The following CXCL14 variants were observed in gnomAD, a reference collection of about 807,000 sequenced individuals.
The protein encoded by CXCL14 is C-X-C motif chemokine ligand 14.
Under a neutral mutation model 16.1 loss-of-function variants are expected in CXCL14, and 9 were observed. That is an observed-to-expected ratio of 0.56 (90% CI 0.34 to 0.97). CXCL14 has a LOEUF of 0.97. Ranked by LOEUF, CXCL14 falls within the 50% of genes least tolerant of loss-of-function variation. CXCL14 has a pLI of 0.02. For synonymous variants in CXCL14, 55 were observed against 52.8 expected (o/e 1.04, Z -0.18); for missense variants, 111 against 132.5 (o/e 0.84, Z 0.80).
intron 2 of CXCL14, among the ~76,000 whole-genome samples, chr5:135,575,349 A>G (rs1451275662): frequency 2.6e-5 from 4 of 152,096 alleles, no homozygotes; most frequent in Non-Finnish European, 2.9e-5. Flanking sequence ...CTATCAGCCA[A>G]TGTCCCAACA....
At position 135,570,888 on chromosome 5, in the gene CXCL14, A is replaced by C. The variant is rs1751016091; in HGVS notation, c.*965T>G. 6.6e-6 allele frequency: 1 copy of C among 152,186 alleles called. No homozygotes were observed. Among genetic ancestry groups the C allele is most frequent in the Non-Finnish European group, 1.5e-5 (1 of 68,044 alleles). The allele number at this position is 152,186 out of a possible 1,614,324, so 9.4% of individuals were successfully genotyped here. ...TGGTCATCTTAGCTTTCGAAAGAGG[A>C]CTGCACTGTTTAACATTGAAGAATT... is the stretch of plus-strand genomic sequence containing the variant. On this transcript the variant is annotated 3_prime_UTR_variant, in exon 4 of 4. Transcript: ENST00000512158.
chr5:135,576,207 G>A (rs1046162614), intron 2 of CXCL14, among the ~76,000 whole-genome samples: 4 of 152,170 alleles, frequency 2.6e-5, no homozygotes, highest in Admixed American at 1.3e-4. Flanking sequence ...CTGTGACTCC[G>A]GGTCATTCCT....
intron 2 of CXCL14, among the ~76,000 whole-genome samples, chr5:135,576,272 C>G (rs1213595795): frequency 1.3e-5 from 2 of 152,204 alleles, no homozygotes; most frequent in Non-Finnish European, 2.9e-5. Context: ...CTCTCTCCCC[C>G]ACTGTGCCCA....
rs1392855107 is a variant in CXCL14, at chr5:135,571,885, CAT to C, written c.285-19_285-18del. On this transcript the variant is annotated intron_variant, in intron 3 of 3. Coordinates refer to ENST00000512158, the MANE Select transcript of CXCL14 (RefSeq NM_004887.5). ...TCGTAGACCCTGGGGAGAAAAAACACATGTGTAAGTGGCTCAGGACATGAGGC... is the reference window on the plus strand; with the variant it reads ...TCGTAGACCCTGGGGAGAAAAAACACGTGTAAGTGGCTCAGGACATGAGGC... 1 of 1,605,396 alleles carries C rather than the reference CAT, an allele frequency of 6.2e-7. No individual in the cohort carries two copies. Among genetic ancestry groups the C allele is most frequent in the African/African-American group, 1.4e-5 (1 of 74,050 alleles).
intron 2 of CXCL14, among the ~76,000 whole-genome samples, chr5:135,577,251 GC>G (rs543097167): frequency 2.8e-4 from 43 of 152,188 alleles, no homozygotes; most frequent in African/African-American, 8.9e-4. Flanking sequence ...GTCATTCTTA[GC>G]CCCCAAACTG....
intron 2 of CXCL14, among the ~76,000 whole-genome samples, chr5:135,577,903 G>A (rs930806484): frequency 1.3e-5 from 2 of 152,232 alleles, no homozygotes; most frequent in African/African-American, 4.8e-5. Context: ...CAGTCGGTGA[G>A]GGAAGCTCGT....
chr5:135,574,471 A>G (rs2126864960), intron 3 of CXCL14, 101 bp downstream of exon 3: 1 of 839,304 alleles, frequency 1.2e-6, no homozygotes, highest in Admixed American at 2.1e-5. Flanking sequence ...GGGTGTTCAC[A>G]TATTAGATGG....
At position 135,571,742 on chromosome 5, in the gene CXCL14, C is replaced by CTTTTT. The variant is rs566365690; in HGVS notation, c.*106_*110dup. ...GTCTTATGCCTGTGAGAAAGAAAGG[C>CTTTTT]TTTTTTTTTTTTTTTTTTTTTTTTT... On this transcript the variant is annotated 3_prime_UTR_variant, in exon 4 of 4. Coordinates refer to ENST00000512158, the MANE Select transcript of CXCL14 (RefSeq NM_004887.5). 60 of 460,526 alleles carry CTTTTT rather than the reference C, an allele frequency of 1.3e-4. 3 individuals carry two copies. The highest frequency in any genetic ancestry group is 4.5e-4 in the Middle Eastern group (1 of 2,228). The allele number at this position is 460,526 out of a possible 1,614,324, so 28.5% of individuals were successfully genotyped here. A position where few individuals can be genotyped will look rare whatever the true frequency, so the allele number is the denominator to read the frequency against.
chr5:135,573,596 G>A (rs1041594435), intron 3 of CXCL14, among the ~76,000 whole-genome samples: 1 of 152,132 alleles, frequency 6.6e-6, no homozygotes, highest in African/African-American at 2.4e-5. Context: ...GCTTTGCCCT[G>A]TGCTCCCAGG....
At chr5:135,576,808 T>G (rs746365204) in intron 2 of CXCL14, among the ~76,000 whole-genome samples, 1 of 151,816 alleles carries the variant, frequency 6.6e-6, no homozygotes. Flanking sequence ...CTGGAAAATT[T>G]GCTTTTGTTC....
At chr5:135,578,395 G>A (rs1751147991) in intron 2 of CXCL14, 39 bp downstream of exon 2, 1 of 1,539,348 alleles carries the variant, frequency 6.5e-7, no homozygotes, top group South Asian at 1.1e-5. Context: ...TGGGTTGACA[G>A]CAGTGCGCAC....
At position 135,574,625 on chromosome 5, in the gene CXCL14, C is replaced by A; in HGVS notation, c.231G>T (p.Leu77=). Residue 77 remains leucine, a synonymous_variant, in exon 3 of 4, where the codon CTG becomes CTT. Transcript: ENST00000512158. ...ACTTGATGAAGCGCTTGGTGCTCTG[C>A]AGCTTGGGGTGCAGGCAGTGCTCCT... The part of the protein sequence containing the change: ...RGQEHCLHPK[L]QSTKRFIKWY... The A allele has an allele frequency of 1.2e-6, 2 of 1,613,568 alleles. No homozygotes were observed. Among genetic ancestry groups the A allele is most frequent in the South Asian group, 2.2e-5 (2 of 91,052 alleles).
chr5:135,576,723 C>T (rs1029445829), intron 2 of CXCL14, among the ~76,000 whole-genome samples: 9 of 152,072 alleles, frequency 5.9e-5, no homozygotes, highest in Admixed American at 2.0e-4. Flanking sequence ...ACTTGCAAAG[C>T]GGACCTCTCC....
At chr5:135,576,923 T>C (rs1751108165) in intron 2 of CXCL14, among the ~76,000 whole-genome samples, 1 of 152,008 alleles carries the variant, frequency 6.6e-6, no homozygotes, top group Non-Finnish European at 1.5e-5. Flanking sequence ...CCCTCAGGGA[T>C]GGAGTGGGAG....
chr5:135,578,943 G>A lies in CXCL14; in HGVS notation c.-165C>T. 1.5e-6 allele frequency: 1 copy of A among 675,274 alleles called. No individual in the cohort carries two copies. Among genetic ancestry groups the A allele is most frequent in the Non-Finnish European group, 2.3e-6 (1 of 433,060 alleles). 41.8% of individuals were successfully genotyped at this position (675,274 alleles called of 1,614,324 possible). ...GCGCCGTCGGTGGATGCCCAGGGCT[G>A]TCTGTGGCCGTGCGCTGCGCTCTGC... On this transcript the variant is annotated 5_prime_UTR_variant, in exon 1 of 4. Coordinates refer to ENST00000512158, the MANE Select transcript of CXCL14 (RefSeq NM_004887.5).
intron 2 of CXCL14, 81 bp from the exon 3 acceptor site, chr5:135,574,766 G>T: frequency 1.7e-6 from 2 of 1,157,880 alleles, no homozygotes; most frequent in Non-Finnish European, 1.3e-6. Context: ...AGTAGCCCTG[G>T]GCTAAGTCAG....
rs1389862492 is a variant in CXCL14 at position 135,578,793 on chromosome 5, C to T, written c.-15G>A. 2.6e-6 allele frequency: 4 copies of T among 1,534,998 alleles called. No individual in the cohort carries two copies. The highest frequency in any genetic ancestry group is 3.5e-6 in the Non-Finnish European group (4 of 1,142,916). On this transcript the variant is annotated 5_prime_UTR_variant, in exon 1 of 4. Coordinates refer to ENST00000512158, the MANE Select transcript of CXCL14 (RefSeq NM_004887.5). ...AGGAGCCTCATGCTGACCGGAGGGG[C>T]GCGGCGTGGGAGCAGGGACATGGGG...
At position 135,578,839 on chromosome 5, in the gene CXCL14, C is replaced by T. The variant is rs776655717; in HGVS notation, c.-61G>A. 2.0e-5 allele frequency: 30 copies of T among 1,469,570 alleles called. No individual in the cohort carries two copies. Among genetic ancestry groups the T allele is most frequent in the Non-Finnish European group, 2.7e-6 (3 of 1,115,546 alleles). The allele number at this position is 1,469,570 out of a possible 1,614,324, so 91.0% of individuals were successfully genotyped here. ...TGGGGAGGGCGCTGGCCCGTCGGAG[C>T]GGCGGCCCGGAGACGCCACCCAGCT... On this transcript the variant is annotated 5_prime_UTR_variant, in exon 1 of 4. Coordinates refer to ENST00000512158, the MANE Select transcript of CXCL14 (RefSeq NM_004887.5).
chr5:135,572,610 A>G (rs1751044800), intron 3 of CXCL14, among the ~76,000 whole-genome samples: 1 of 152,112 alleles, frequency 6.6e-6, no homozygotes, highest in Admixed American at 6.5e-5. Context: ...CATACGTTAC[A>G]CTTAGCCTAT....
Sources: allele counts gnomAD v4.1 joint callset (sites outside exome capture counted in the v4.1 genomes callset), GRCh38; gene constraint gnomAD v4.1.1; transcripts MANE v1.5; gene names NCBI Gene and HGNC (gene_info 2026-07-23, HGNC 2026-07-21).